THADA: variants seen among roughly 807,000 people sequenced by gnomAD.
THADA encodes the protein THADA armadillo repeat containing, also known as tRNA (32-2'-O)-methyltransferase regulator THADA.
Under a neutral mutation model 219.8 loss-of-function variants are expected in THADA, and 213 were observed. The observed-to-expected ratio is 0.97, with a 90% CI of 0.87 to 1.09. The LOEUF is 1.09. Ranked by LOEUF, THADA falls within the 50% of genes least tolerant of loss-of-function variation. The probability of loss-of-function intolerance (pLI) is 0.00; values close to 1 mark genes in which losing one functional copy is unlikely to be tolerated. For missense variants in THADA, 2,956 were observed against 2,311.3 expected, an observed-to-expected ratio of 1.28 and a Z score of -5.72; for synonymous variants, 1,018 against 828.9, an observed-to-expected ratio of 1.23 and a Z score of -3.92.
chr2:43,560,353 C>G lies in THADA; in HGVS notation c.2344G>C (p.Asp782His). The change falls in exon 16 of 38, where the codon GAT becomes CAT. Residue 782 changes from aspartate (D) to histidine (H), a missense_variant. Transcript: ENST00000405975. ...GTTTGGAAACGACCAACATCAATAT[C>G]ATGACTCAGCTGATATACTGTATAA... ...RIYTVYQLSH[D>H]IDVGRFQTLM... is the part of the protein sequence containing the mutation. 1.2e-6 allele frequency: 2 copies of G among 1,611,016 alleles called. No individual in the cohort carries two copies. Among genetic ancestry groups the G allele is most frequent in the Non-Finnish European group, 1.7e-6 (2 of 1,178,458 alleles).
chr2:43,430,820 C>G (rs1262053732), intron 26 of THADA, among the ~76,000 whole-genome samples: 1 of 152,186 alleles, frequency 6.6e-6, no homozygotes, highest in Non-Finnish European at 1.5e-5. Flanking sequence ...GCACAACACC[C>G]CTCCCCAACA....
At chr2:43,331,286 C>G (rs1267021394) in intron 30 of THADA, among the ~76,000 whole-genome samples, 1 of 152,216 alleles carries the variant, frequency 6.6e-6, no homozygotes, top group Non-Finnish European at 1.5e-5. Flanking sequence ...ATACAGATAT[C>G]TCTATTCCTA....
chr2:43,491,665 T>G (rs982671245), intron 25 of THADA, among the ~76,000 whole-genome samples: 1 of 152,214 alleles, frequency 6.6e-6, no homozygotes, highest in Non-Finnish European at 1.5e-5. Flanking sequence ...CTAGGAATAA[T>G]AAGCTATATC....
intron 26 of THADA, among the ~76,000 whole-genome samples, chr2:43,442,019 A>G (rs1680900715): frequency 6.6e-6 from 1 of 152,244 alleles, no homozygotes; most frequent in African/African-American, 2.4e-5. Context: ...CACATACAAT[A>G]TAACTAATAG....
chr2:43,515,490 C>T (rs1277290364), intron 22 of THADA, among the ~76,000 whole-genome samples: 1 of 139,758 alleles, frequency 7.2e-6, no homozygotes, highest in East Asian at 2.1e-4. Context: ...GGGAAATTTA[C>T]CCAAAACAGT....
rs767665768 is a variant in THADA, at chr2:43,579,443, T to C, written c.722-836A>G. On this transcript the variant is annotated intron_variant, in intron 8 of 37. Transcript: ENST00000405975. The stretch of plus-strand genomic sequence containing the variant: ...GTATCTTCTTTTTGTTTTATCTCTA[T>C]TAGCCTCTAATACCATGGTGAGTTG... Among the ~76,000 whole-genome samples, 4 of 152,210 alleles carry C rather than the reference T, an allele frequency of 2.6e-5. No homozygotes were observed. The East Asian group carries it at 7.7e-4, about 29-fold the overall frequency.
chr2:43,439,922 T>C (rs958604829), intron 26 of THADA, among the ~76,000 whole-genome samples: 4 of 152,148 alleles, frequency 2.6e-5, no homozygotes, highest in Non-Finnish European at 4.4e-5. Context: ...CGAAAGTCTT[T>C]TAAAAAAAGA....
chr2:43,355,010 T>G (rs964654677), intron 29 of THADA, among the ~76,000 whole-genome samples: 1 of 152,200 alleles, frequency 6.6e-6, no homozygotes, highest in Non-Finnish European at 1.5e-5. Context: ...TTAAGTTTCC[T>G]GAGGTCTCCT....
At chr2:43,424,476 C>T (rs945032620) in intron 28 of THADA, among the ~76,000 whole-genome samples, 3 of 152,126 alleles carry the variant, frequency 2.0e-5, no homozygotes, top group African/African-American at 7.2e-5. Context: ...TGTGCATACA[C>T]CCATCCATCT....
intron 8 of THADA, among the ~76,000 whole-genome samples, chr2:43,580,024 C>CTT (rs34171011): frequency 0.015 from 1,829 of 122,790 alleles, 104 homozygotes; most frequent in African/African-American, 0.049. Context: ...AAAGCTACTT[C>CTT]TTTTTTTTTT....
intron 26 of THADA, among the ~76,000 whole-genome samples, chr2:43,454,737 A>C (rs1682780196): frequency 6.6e-6 from 1 of 152,140 alleles, no homozygotes; most frequent in Non-Finnish European, 1.5e-5. Context: ...AGAGAAAGAT[A>C]TTTTCCTTGT....
At chr2:43,403,357 C>A (rs575227452) in intron 28 of THADA, among the ~76,000 whole-genome samples, 1 of 152,344 alleles carries the variant, frequency 6.6e-6, no homozygotes, top group African/African-American at 2.4e-5. Flanking sequence ...CTGATAATAG[C>A]TAACATCTCC....
intron 36 of THADA, among the ~76,000 whole-genome samples, chr2:43,256,612 A>ACTT (rs5830756): frequency 6.8e-6 from 1 of 146,874 alleles, no homozygotes; most frequent in African/African-American, 2.5e-5. Flanking sequence ...TAAATAAATA[A>ACTT]TTTTTTTTTT....
intron 25 of THADA, 82 bp downstream of exon 25, chr2:43,498,751 A>C (rs1365746465): frequency 7.4e-7 from 1 of 1,359,506 alleles, no homozygotes; most frequent in Non-Finnish European, 9.8e-7. Context: ...AATATTTTTT[A>C]TCACCCAGTG....
chr2:43,432,078 G>A (rs1436679348), intron 26 of THADA, among the ~76,000 whole-genome samples: 1 of 124,586 alleles, frequency 8.0e-6, no homozygotes, highest in Non-Finnish European at 1.7e-5. Flanking sequence ...GGATGGTCTC[G>A]ATCTCCTGAC....
chr2:43,387,624 A>G lies in THADA; in HGVS notation c.4227+10347T>C, dbSNP rs571053602. On this transcript the variant is annotated intron_variant, in intron 29 of 37. Transcript: ENST00000405975. ...GAAAATCCATAGGTACCATGGAACA[A>G]AGGTTCTCAACTAGGGGCAATTTTG... Among the ~76,000 whole-genome samples, 262 of 152,182 alleles carry G rather than the reference A, an allele frequency of 1.7e-3. 2 individuals are homozygous for G. Among genetic ancestry groups the G allele is most frequent in the Middle Eastern group, 0.01 (3 of 294 alleles).
At chr2:43,255,052 T>C (rs931933793) in intron 36 of THADA, among the ~76,000 whole-genome samples, 1 of 152,204 alleles carries the variant, frequency 6.6e-6, no homozygotes, top group African/African-American at 2.4e-5. Context: ...TGTAACTATT[T>C]AGTAAGTTTG....
chr2:43,577,605 G>C (rs1363704180), intron 9 of THADA, among the ~76,000 whole-genome samples: 7 of 150,568 alleles, frequency 4.6e-5, no homozygotes, highest in Non-Finnish European at 1.0e-4. Context: ...TAATTACTTT[G>C]TGTGATCTCA....
At chr2:43,506,625 T>A (rs111799758) in intron 23 of THADA, among the ~76,000 whole-genome samples, 1 of 152,292 alleles carries the variant, frequency 6.6e-6, no homozygotes, top group African/African-American at 2.4e-5. Flanking sequence ...GGAGGTTTCA[T>A]GGGTTGATGT....
Sources: allele counts gnomAD v4.1 joint callset (sites outside exome capture counted in the v4.1 genomes callset), GRCh38; gene constraint gnomAD v4.1.1; transcripts MANE v1.5; gene names NCBI Gene and HGNC (gene_info 2026-07-23, HGNC 2026-07-21).